Variants in BLTP3B observed in about 807,000 individuals in gnomAD.
BLTP3B encodes bridge-like lipid transfer protein family member 3B.
chr12:100,076,185 GTCATCAAAAATGTATATATTAA>G, the BLTP3B span, among the ~76,000 whole-genome samples: 1 of 150,616 alleles, frequency 6.6e-6, no homozygotes, highest in African/African-American at 2.4e-5. Flanking sequence ...ACCAGCTAAT[GTCATCAAAAATGTATATATTAA>G]TATTCACAAA....
chr12:100,037,514 T>C, the BLTP3B span: 1 of 1,534,264 alleles, frequency 6.5e-7, no homozygotes, highest in Non-Finnish European at 8.7e-7. Flanking sequence ...CTTCATCACA[T>C]TCCATTTTGT....
At chr12:100,120,688 T>C in the BLTP3B span, among the ~76,000 whole-genome samples, 1 of 152,300 alleles carries the variant, frequency 6.6e-6, no homozygotes. Flanking sequence ...TTTAAAGTGA[T>C]GCATATACCT....
At chr12:100,058,096 C>G in the BLTP3B span, 1 of 1,609,506 alleles carries the variant, frequency 6.2e-7, no homozygotes, top group South Asian at 1.1e-5. Flanking sequence ...TCCAGGTTTT[C>G]AGAGAGTGAA....
chr12:100,089,933 C>T, the BLTP3B span, among the ~76,000 whole-genome samples: 3 of 152,106 alleles, frequency 2.0e-5, no homozygotes, highest in Admixed American at 6.6e-5. Flanking sequence ...ATAAGTCTCA[C>T]GAGATCTGAT....
chr12:100,079,334 T>C, the BLTP3B span, among the ~76,000 whole-genome samples: 4 of 152,166 alleles, frequency 2.6e-5, no homozygotes, highest in Non-Finnish European at 5.9e-5. Context: ...GAAAGTGATA[T>C]GAACAGTAAG....
At chr12:100,063,325 G>A in the BLTP3B span, among the ~76,000 whole-genome samples, 1 of 152,198 alleles carries the variant, frequency 6.6e-6, no homozygotes, top group Non-Finnish European at 1.5e-5. Flanking sequence ...CCAGCCCAGA[G>A]CCTGGTAGAC....
At chr12:100,081,673 T>C in the BLTP3B span, among the ~76,000 whole-genome samples, 1 of 152,170 alleles carries the variant, frequency 6.6e-6, no homozygotes, top group Non-Finnish European at 1.5e-5. Context: ...CAATATTTGG[T>C]TTTCTTTTCC....
At chr12:100,072,761 T>C in the BLTP3B span, 1 of 1,607,556 alleles carries the variant, frequency 6.2e-7, no homozygotes. Flanking sequence ...GGATTTTTTA[T>C]TGCAGCAAAT....
the BLTP3B span, among the ~76,000 whole-genome samples, chr12:100,125,889 A>G: frequency 6.6e-6 from 1 of 152,240 alleles, no homozygotes; most frequent in South Asian, 2.1e-4. Context: ...TGTGCTGGGT[A>G]CTATGTGATA....
the BLTP3B span, among the ~76,000 whole-genome samples, chr12:100,056,501 T>G: frequency 0.075 from 11,470 of 152,014 alleles, 484 homozygotes; most frequent in Middle Eastern, 0.15. Context: ...TTATCTAATC[T>G]AAGCTTTTCA....
the BLTP3B span, among the ~76,000 whole-genome samples, chr12:100,066,742 T>G: frequency 6.7e-6 from 1 of 148,986 alleles, no homozygotes; most frequent in Non-Finnish European, 1.5e-5. Flanking sequence ...AGGCAGAGCT[T>G]GCAGTGAGCC....
the BLTP3B span, chr12:100,059,181 G>A: frequency 6.2e-7 from 1 of 1,614,086 alleles, no homozygotes; most frequent in South Asian, 1.1e-5. Context: ...CCAAAATTGA[G>A]AAAAGTACAC....
At chr12:100,103,814 C>T in the BLTP3B span, 1 of 1,077,680 alleles carries the variant, frequency 9.3e-7, no homozygotes. Flanking sequence ...GGTGAAAAAT[C>T]CAGACTATAT....
the BLTP3B span, among the ~76,000 whole-genome samples, chr12:100,125,168 C>A: frequency 6.7e-6 from 1 of 149,088 alleles, no homozygotes; most frequent in Non-Finnish European, 1.5e-5. Flanking sequence ...CCCGTCTCTA[C>A]TAAAAATACA....
chr12:100,063,150 A>G, the BLTP3B span, among the ~76,000 whole-genome samples: 1 of 152,158 alleles, frequency 6.6e-6, no homozygotes, highest in Admixed American at 6.5e-5. Flanking sequence ...TTGCTCCAGA[A>G]TCACTACAGG....
chr12:100,101,601 ACT>A, the BLTP3B span, among the ~76,000 whole-genome samples: 3 of 152,220 alleles, frequency 2.0e-5, no homozygotes, highest in African/African-American at 7.2e-5. Context: ...TTTAAATTTC[ACT>A]GAGTGCAAAA....
At chr12:100,072,265 AAAAAAAC>A in the BLTP3B span, among the ~76,000 whole-genome samples, 34 of 152,252 alleles carry the variant, frequency 2.2e-4, no homozygotes, top group African/African-American at 7.7e-4. Context: ...CTGCCTTGAA[AAAAAAAC>A]AAAAAACAAA....
At chr12:100,050,766 T>A in the BLTP3B span, among the ~76,000 whole-genome samples, 1 of 151,926 alleles carries the variant, frequency 6.6e-6, no homozygotes, top group African/African-American at 2.4e-5. Context: ...GGGCTATGGA[T>A]ACATCTCTGC....
chr12:100,061,327 G>A, the BLTP3B span, among the ~76,000 whole-genome samples: 20 of 152,244 alleles, frequency 1.3e-4, no homozygotes, highest in East Asian at 3.9e-3. Context: ...GCAGATGTGG[G>A]ACTGAAAAAG....
Sources: gnomAD v4.1 joint callset for allele counts (sites outside exome capture counted in the v4.1 genomes callset) on GRCh38, gnomAD v4.1.1 for gene constraint, MANE v1.5 for transcripts, NCBI Gene and HGNC (gene_info 2026-07-23, HGNC 2026-07-21) for gene names.